ZNF18: variants seen among roughly 807,000 people sequenced by gnomAD.
ZNF18 encodes heart development-specific gene 1 protein.
A neutral mutation model predicts 58.1 loss-of-function variants in ZNF18; 42 were observed. The ratio of observed to expected loss-of-function variants is 0.72; its 90% CI spans 0.56 to 0.93. ZNF18 has a LOEUF of 0.93. Among genes scored for constraint, ZNF18 ranks in the 40% least tolerant of loss-of-function variants. The pLI, the probability that ZNF18 is intolerant of heterozygous loss-of-function variation, is 0.00. For synonymous variants in ZNF18, 231 were observed against 239.8 expected (o/e 0.96, Z 0.34); for missense variants, 540 against 644.2 (o/e 0.84, Z 1.75).
chr17:11,982,631 G>T (rs1292673849), intron 6 of ZNF18, among the ~76,000 whole-genome samples: 1 of 146,574 alleles, frequency 6.8e-6, no homozygotes, highest in Non-Finnish European at 1.5e-5. Flanking sequence ...TTCCTCTAAG[G>T]TTCTGGGATT....
rs749416733 is a variant in ZNF18 at position 11,984,133 on chromosome 17, T to C, written c.731A>G (p.Tyr244Cys). 1 of 1,612,354 alleles carries C rather than the reference T, an allele frequency of 6.2e-7. No homozygotes were observed. The highest frequency in any genetic ancestry group is 1.1e-5 in the South Asian group (1 of 91,028). The stretch of plus-strand genomic sequence containing the variant: ...CTCACCTCCTGAGACCATTTTCCCA[T>C]AGGTCTCCAGCATGAGATCCCAGTA... ...EQYWDLMLETYGKMVSGAGIS... is the reference protein window; with the variant it reads ...EQYWDLMLETCGKMVSGAGIS... The change falls in exon 5 of 7, where the codon TAT (tyrosine) becomes TGT (cysteine). Residue 244 changes from tyrosine to cysteine, a missense_variant. By Grantham distance (194) the Tyr-to-Cys change is radical. Transcript: ENST00000580306.
At chr17:12,011,960 A>G in the ZNF18 span, among the ~76,000 whole-genome samples, 2 of 152,086 alleles carry the variant, frequency 1.3e-5, no homozygotes, top group Admixed American at 1.3e-4. Context: ...CAGCCTCCCA[A>G]AGTGCTGGGA....
At chr17:12,009,617 T>A in the ZNF18 span, among the ~76,000 whole-genome samples, 1 of 151,972 alleles carries the variant, frequency 6.6e-6, no homozygotes. Flanking sequence ...CATGCTCGGC[T>A]AATTTTTGTA....
the ZNF18 span, chr17:12,011,115 C>A: frequency 3.0e-6 from 2 of 664,314 alleles, no homozygotes. Context: ...TATAATATCA[C>A]CTTTCTTCTA....
At chr17:12,003,921 C>T in the ZNF18 span, among the ~76,000 whole-genome samples, 1 of 152,198 alleles carries the variant, frequency 6.6e-6, no homozygotes, top group Non-Finnish European at 1.5e-5. Context: ...AGGAGGCCCA[C>T]ACCATGGAGC....
the ZNF18 span, among the ~76,000 whole-genome samples, chr17:12,015,854 T>C: frequency 2.0e-5 from 3 of 152,088 alleles, no homozygotes; most frequent in Admixed American, 2.0e-4. Context: ...AGCAGCGCGA[T>C]CTCGGCTCAC....
At position 11,977,481 on chromosome 17, in the gene ZNF18, AC is replaced by A. The variant is rs139586452; in HGVS notation, c.*475del. On this transcript the variant is annotated 3_prime_UTR_variant, in exon 7 of 7. Coordinates refer to ENST00000580306, the MANE Select transcript of ZNF18 (RefSeq NM_001303281.2). ...CTGCTAAGTTTATTTCAAACAAGGG[AC>A]ACTTGAAGTTAGTTTTTCACCCCTA... The A allele has an allele frequency of 0.011, 1,641 of 154,468 alleles. 33 individuals are homozygous for A. Among genetic ancestry groups the A allele is most frequent in the African/African-American group, 0.038 (1,562 of 41,604 alleles). 9.6% of individuals were successfully genotyped at this position (154,468 alleles called of 1,614,324 possible).
At chr17:11,990,379 G>C in intron 4 of ZNF18, 83 bp downstream of exon 4, 1 of 1,204,916 alleles carries the variant, frequency 8.3e-7, no homozygotes, top group South Asian at 1.4e-5. Flanking sequence ...CCTCAGGATG[G>C]AGAATGGGGT....
the ZNF18 span, chr17:12,021,316 C>T: frequency 5.4e-6 from 1 of 184,758 alleles, no homozygotes; most frequent in African/African-American, 2.4e-5. Flanking sequence ...TCGCCCCCGC[C>T]GCTTACCTGG....
the ZNF18 span, among the ~76,000 whole-genome samples, chr17:12,009,639 G>A: frequency 6.6e-6 from 1 of 151,862 alleles, no homozygotes; most frequent in East Asian, 1.9e-4. Context: ...TCTTGGTAGA[G>A]ACAAGGTTTC....
chr17:12,007,836 G>A, the ZNF18 span, among the ~76,000 whole-genome samples: 1 of 152,142 alleles, frequency 6.6e-6, no homozygotes, highest in Non-Finnish European at 1.5e-5. Context: ...TTCTTCCCCT[G>A]GAGAAACAGC....
At chr17:12,017,770 G>A in the ZNF18 span, among the ~76,000 whole-genome samples, 7 of 151,938 alleles carry the variant, frequency 4.6e-5, no homozygotes, top group African/African-American at 1.2e-4. Context: ...CCAGCTACTC[G>A]GGAGGCTGAG....
At chr17:11,990,013 A>G (rs1466668697) in intron 4 of ZNF18, among the ~76,000 whole-genome samples, 1 of 152,162 alleles carries the variant, frequency 6.6e-6, no homozygotes, top group Non-Finnish European at 1.5e-5. Context: ...CACATTCCAC[A>G]GGTATTATTT....
chr17:12,021,043 G>C, the ZNF18 span: 6 of 1,147,122 alleles, frequency 5.2e-6, no homozygotes, highest in East Asian at 3.5e-5. Flanking sequence ...CCCCTAGCGC[G>C]GCAACCCGCG....
chr17:11,981,678 A>G (rs185777061), intron 6 of ZNF18, among the ~76,000 whole-genome samples: 1 of 152,116 alleles, frequency 6.6e-6, no homozygotes, highest in Admixed American at 6.6e-5. Context: ...GAATATAGTG[A>G]GCTATATATA....
chr17:12,013,798 A>G, the ZNF18 span, among the ~76,000 whole-genome samples: 2 of 152,230 alleles, frequency 1.3e-5, no homozygotes, highest in South Asian at 4.1e-4. Flanking sequence ...CAATTATTCT[A>G]TATTGCTGAT....
chr17:12,020,868 C>A, the ZNF18 span: 4 of 1,138,848 alleles, frequency 3.5e-6, no homozygotes, highest in East Asian at 6.7e-5. Flanking sequence ...CGGCGCCGCT[C>A]GGCTCTTCAC....
the ZNF18 span, among the ~76,000 whole-genome samples, chr17:12,020,630 G>C: frequency 6.6e-6 from 1 of 152,152 alleles, no homozygotes; most frequent in Admixed American, 6.5e-5. Context: ...AACCACTTTA[G>C]GCCCCGCGGG....
intron 4 of ZNF18, among the ~76,000 whole-genome samples, chr17:11,989,751 GA>G (rs1486835970): frequency 1.6e-4 from 24 of 149,982 alleles, no homozygotes; most frequent in Non-Finnish European, 1.5e-5. Context: ...TACTATAAAA[GA>G]AAAGATTAAT....
Sources: allele counts gnomAD v4.1 joint callset (sites outside exome capture counted in the v4.1 genomes callset), GRCh38; gene constraint gnomAD v4.1.1; transcripts MANE v1.5; gene names NCBI Gene and HGNC (gene_info 2026-07-23, HGNC 2026-07-21).